The following ZNF469 variants were observed in gnomAD, a reference collection of about 807,000 sequenced individuals.
The protein encoded by ZNF469 is zinc finger protein 469.
In ZNF469, 1 loss-of-function variant was observed where a neutral mutation model predicts 1.0. The observed-to-expected ratio is 1.00, with a 90% CI of 0.35 to 4.73. The LOEUF is 4.73. ZNF469 is among the 30% of genes most tolerant of loss of function. The probability of loss-of-function intolerance (pLI) is 0.16; values close to 1 mark genes in which losing one functional copy is unlikely to be tolerated. For synonymous variants in ZNF469, 2,703 were observed against 2,363.4 expected (o/e 1.14, Z -4.17); for missense variants, 6,100 against 5,356.3 (o/e 1.14, Z -4.33).
At chr16:88,303,026 T>A in the ZNF469 span, among the ~76,000 whole-genome samples, 1 of 152,208 alleles carries the variant, frequency 6.6e-6, no homozygotes, top group African/African-American at 2.4e-5. Flanking sequence ...TGTGGAGCAT[T>A]TGCCTTTCAG....
the ZNF469 span, among the ~76,000 whole-genome samples, chr16:88,326,314 C>T: frequency 1.3e-5 from 2 of 152,314 alleles, no homozygotes; most frequent in Middle Eastern, 3.4e-3. Flanking sequence ...TGCTGCCATC[C>T]ATTTAAGAAG....
chr16:88,138,905 C>G, the ZNF469 span, among the ~76,000 whole-genome samples: 410 of 152,348 alleles, frequency 2.7e-3, 2 homozygotes, highest in Non-Finnish European at 3.7e-3. Flanking sequence ...GTAAGCACAG[C>G]TATTCGGCTA....
rs935737795 is a variant in ZNF469 at position 88,435,354 on chromosome 16, G to A, written c.7884G>A (p.Glu2628=). 2.6e-6 allele frequency: 4 copies of A among 1,550,274 alleles called. No individual in the cohort carries two copies. Among genetic ancestry groups the A allele is most frequent in the Non-Finnish European group, 3.5e-6 (4 of 1,147,004 alleles). ...EPTVDSPSHS[E]GKSNKKRGKL... The stretch of plus-strand genomic sequence containing the variant: ...CCGTGGACTCTCCTAGCCACTCAGA[G>A]GGGAAGTCAAATAAGAAAAGGGGAA... The change falls in exon 3 of 3, where the codon GAG becomes GAA. Residue 2628 remains glutamate (E), a synonymous_variant. Transcript: ENST00000565624.
At chr16:88,263,995 C>T in the ZNF469 span, among the ~76,000 whole-genome samples, 1 of 152,128 alleles carries the variant, frequency 6.6e-6, no homozygotes, top group African/African-American at 2.4e-5. Flanking sequence ...CAGGGAGCCT[C>T]CTGCCCACAC....
At chr16:88,278,765 G>T in the ZNF469 span, among the ~76,000 whole-genome samples, 23 of 137,000 alleles carry the variant, frequency 1.7e-4, 1 homozygote, top group African/African-American at 5.7e-4. Flanking sequence ...GCGCCACGCC[G>T]ACACTTGGTC....
At position 88,438,679 on chromosome 16, in the gene ZNF469, A is replaced by C; in HGVS notation, c.11209A>C (p.Ser3737Arg). The C allele has an allele frequency of 6.5e-7, 1 of 1,550,020 alleles. No individual in the cohort carries two copies. Among genetic ancestry groups the C allele is most frequent in the Non-Finnish European group, 8.7e-7 (1 of 1,146,860 alleles). Residue 3737 changes from serine to arginine, a missense_variant, in exon 3 of 3, where the codon AGC becomes CGC. Physicochemically the swap from Ser to Arg is moderately radical, Grantham distance 110. Coordinates refer to ENST00000565624, the MANE Select transcript of ZNF469 (RefSeq NM_001367624.2). The part of the protein sequence containing the change: ...KPGPSSQGSG[S>R]PRPGTKTGGG... ...CGGCCCCAGCTCCCAGGGCAGTGGA[A>C]GCCCTCGCCCCGGCACCAAGACAGG...
At chr16:88,241,382 T>G in the ZNF469 span, among the ~76,000 whole-genome samples, 1 of 149,138 alleles carries the variant, frequency 6.7e-6, no homozygotes, top group African/African-American at 2.5e-5. This position sits in a 1 kb window ranked among gnomAD's most constrained non-coding sequence, Gnocchi z 4.8. Context: ...AGCCCTATTG[T>G]CACATGAAAA....
the ZNF469 span, among the ~76,000 whole-genome samples, chr16:88,185,622 T>G: frequency 7.0e-6 from 1 of 142,320 alleles, no homozygotes; most frequent in Admixed American, 7.0e-5. Context: ...ACAGACACAC[T>G]CACATTTGCA....
chr16:88,164,304 T>C, the ZNF469 span, among the ~76,000 whole-genome samples: 6 of 139,220 alleles, frequency 4.3e-5, no homozygotes, highest in East Asian at 2.4e-4. Context: ...GATGGGTGGA[T>C]GGATGCAGGG....
the ZNF469 span, among the ~76,000 whole-genome samples, chr16:88,350,730 A>G: frequency 6.6e-6 from 1 of 152,232 alleles, no homozygotes. Flanking sequence ...CCTCTTGGCC[A>G]GAAGTAGATG....
the ZNF469 span, among the ~76,000 whole-genome samples, chr16:88,129,501 G>C: frequency 1.3e-5 from 2 of 152,158 alleles, no homozygotes; most frequent in South Asian, 2.1e-4. Flanking sequence ...CTTAATCTGG[G>C]GTCCTACCCT....
intron 1 of ZNF469, among the ~76,000 whole-genome samples, chr16:88,406,236 G>A (rs925744675): frequency 2.0e-5 from 3 of 152,238 alleles, no homozygotes; most frequent in African/African-American, 7.2e-5. Flanking sequence ...GCAGAAACGT[G>A]GGTGTGTCTC....
At chr16:88,213,663 A>G in the ZNF469 span, among the ~76,000 whole-genome samples, 880 of 152,190 alleles carry the variant, frequency 5.8e-3, 17 homozygotes, top group African/African-American at 0.02. Flanking sequence ...TCCTCCCCCA[A>G]AAGGGTTGCC....
chr16:88,435,797 A>G lies in ZNF469; in HGVS notation c.8327A>G (p.Glu2776Gly), dbSNP rs1426170035. The G allele has an allele frequency of 7.7e-6, 12 of 1,550,470 alleles. No homozygotes were observed. The highest frequency in any genetic ancestry group is 1.0e-5 in the Non-Finnish European group (12 of 1,146,948). Residue 2776 changes from glutamate (E) to glycine (G), a missense_variant, in exon 3 of 3, where the codon GAG (glutamate) becomes GGG (glycine). By Grantham distance (98) the Glu-to-Gly change is moderately conservative. Coordinates refer to ENST00000565624, the MANE Select transcript of ZNF469 (RefSeq NM_001367624.2). The part of the protein sequence containing the change: ...VCKESGSEPA[E>G]DSSRAHSRSE... ...AAAGAGTCTGGGAGCGAGCCTGCGG[A>G]GGACAGCAGCAGGGCCCACAGCCGA...
upstream of ZNF469, among the ~76,000 whole-genome samples, chr16:88,380,611 G>A (rs28972819): frequency 6.8e-4 from 55 of 80,466 alleles, no homozygotes; most frequent in African/African-American, 2.0e-3. Context: ...ACTCACACAC[G>A]CACACACCCA....
At chr16:88,119,981 C>T in the ZNF469 span, among the ~76,000 whole-genome samples, 2 of 152,144 alleles carry the variant, frequency 1.3e-5, no homozygotes, top group Admixed American at 1.3e-4. Context: ...CGCCGCCGTG[C>T]GTGCTGTGAG....
the ZNF469 span, among the ~76,000 whole-genome samples, chr16:88,313,744 T>A: frequency 6.6e-6 from 1 of 152,008 alleles, no homozygotes; most frequent in Non-Finnish European, 1.5e-5. Flanking sequence ...ATCTCTGTAA[T>A]TCAGGCAGTG....
chr16:88,263,559 C>T, the ZNF469 span, among the ~76,000 whole-genome samples: 1 of 152,146 alleles, frequency 6.6e-6, no homozygotes. Flanking sequence ...GCATGGGGTG[C>T]CCATGTGGGC....
Position 88,383,177 on chromosome 16 carries a change from C to T in ZNF469, c.-269C>T, listed in dbSNP as rs2092529875. On this transcript the variant is annotated 5_prime_UTR_variant, in exon 1 of 3. The change creates a premature stop within an existing upstream ORF in the 5' untranslated region. Coordinates refer to ENST00000565624, the MANE Select transcript of ZNF469 (RefSeq NM_001367624.2). The stretch of plus-strand genomic sequence containing the variant: ...CGGGATGAGGACGGCGCCTCCGCTG[C>T]AGAGCGCTGGGGCGGCGCGGGCCGG... 1.4e-5 allele frequency among the ~76,000 whole-genome samples: 2 copies of T among 147,734 alleles called. No individual in the cohort carries two copies. Among genetic ancestry groups the T allele is most frequent in the Non-Finnish European group, 3.0e-5 (2 of 66,334 alleles).
Sources: allele counts gnomAD v4.1 joint callset (sites outside exome capture counted in the v4.1 genomes callset), GRCh38; gene constraint gnomAD v4.1.1; non-coding constraint Gnocchi (gnomAD v3.1); transcripts MANE v1.5; gene names NCBI Gene and HGNC (gene_info 2026-07-23, HGNC 2026-07-21).